Variants in RELN observed in about 807,000 individuals in gnomAD.
RELN encodes reelin.
Under a neutral mutation model 427.6 loss-of-function variants are expected in RELN, and 108 were observed. The observed-to-expected ratio is 0.25, with a 90% CI of 0.22 to 0.30. The LOEUF is 0.30. Among genes scored for constraint, RELN ranks in the 10% least tolerant of loss-of-function variants. RELN has a pLI of 1.00. For synonymous variants in RELN, 1,524 were observed against 1,513.4 expected (o/e 1.01, Z -0.16); for missense variants, 3,715 against 4,302.8 (o/e 0.86, Z 3.82).
At chr7:103,556,288 C>T (rs1240844986) in intron 38 of RELN, among the ~76,000 whole-genome samples, 3 of 151,966 alleles carry the variant, frequency 2.0e-5, no homozygotes, top group South Asian at 4.1e-4. Flanking sequence ...ATAAATGCAA[C>T]AAAAATGTCA....
At chr7:103,491,357 A>T (rs2117003973) in intron 58 of RELN, among the ~76,000 whole-genome samples, 1 of 152,318 alleles carries the variant, frequency 6.6e-6, no homozygotes, top group East Asian at 1.9e-4. Flanking sequence ...TACTCTGAGG[A>T]CAAATGTAGT....
intron 4 of RELN, among the ~76,000 whole-genome samples, chr7:103,756,161 C>T (rs976545890): frequency 6.6e-6 from 1 of 152,136 alleles, no homozygotes; most frequent in Non-Finnish European, 1.5e-5. Flanking sequence ...AAATGCTTTA[C>T]TTTAAATTGT....
intron 2 of RELN, among the ~76,000 whole-genome samples, chr7:103,911,761 A>T (rs1795371710): frequency 7.4e-6 from 1 of 134,350 alleles, no homozygotes; most frequent in Non-Finnish European, 1.6e-5. Context: ...AGAACAAAAA[A>T]CCAAACACCG....
At chr7:103,661,574 A>T in intron 11 of RELN, 47 bp from the exon 12 acceptor site, 1 of 1,542,730 alleles carries the variant, frequency 6.5e-7, no homozygotes, top group Non-Finnish European at 8.9e-7. Context: ...TATTAAGCCA[A>T]ATCTTTATAA....
intron 2 of RELN, among the ~76,000 whole-genome samples, chr7:103,870,587 T>C (rs1023107701): frequency 3.9e-5 from 6 of 152,070 alleles, no homozygotes; most frequent in Non-Finnish European, 7.4e-5. Flanking sequence ...GTCATGTCCT[T>C]ATTGCCAAAG....
chr7:103,954,485 C>A (rs1436825601), intron 1 of RELN, among the ~76,000 whole-genome samples: 1 of 151,958 alleles, frequency 6.6e-6, no homozygotes, highest in African/African-American at 2.4e-5. Flanking sequence ...TTATTTACTC[C>A]CATTTTCCTT....
At position 103,655,226 on chromosome 7, in the gene RELN, T is replaced by C. The variant is rs188829249; in HGVS notation, c.1442-1021A>G. On this transcript the variant is annotated intron_variant, in intron 12 of 64. Transcript: ENST00000428762. ...CTTAAGCCACCATTATCCTTCATAA[T>C]AGTACCAACCAAAACAGCTGGGACT... Among the ~76,000 whole-genome samples, 91 of 152,196 alleles carry C rather than the reference T, an allele frequency of 6.0e-4. 2 individuals carry two copies. Among genetic ancestry groups the C allele is most frequent in the Admixed American group, 5.2e-3 (79 of 15,258 alleles).
chr7:103,763,832 A>C (rs1464465850), intron 4 of RELN, among the ~76,000 whole-genome samples: 1 of 152,062 alleles, frequency 6.6e-6, no homozygotes, highest in Non-Finnish European at 1.5e-5. Flanking sequence ...CTGGGGGGAA[A>C]CAGAGGGCAG....
intron 1 of RELN, among the ~76,000 whole-genome samples, chr7:103,982,474 A>G (rs1202031005): frequency 6.6e-6 from 1 of 152,198 alleles, no homozygotes; most frequent in African/African-American, 2.4e-5. Context: ...AAAAAGGTGT[A>G]GAGATGGCAA....
At chr7:103,538,800 C>A (rs1050061988) in intron 45 of RELN, among the ~76,000 whole-genome samples, 1 of 152,092 alleles carries the variant, frequency 6.6e-6, no homozygotes, top group African/African-American at 2.4e-5. Context: ...CCTGGATTTA[C>A]AAATTATTAC....
Position 103,650,367 on chromosome 7 carries a change from T to C in RELN, c.1909A>G (p.Ile637Val), listed in dbSNP as rs530120957. ...GTTAGTGCTGCGTTAGGAAGGGGAA[T>C]TGTTATTCGGTTCCACCTGCAAGAA... is the stretch of plus-strand genomic sequence containing the variant. ...ENYSGWNRIT[I>V]PLPNAALTRN... The change falls in exon 16 of 65, where the codon ATT becomes GTT. Residue 637 changes from isoleucine (I) to valine (V), a missense_variant. Coordinates refer to ENST00000428762, the MANE Select transcript of RELN (RefSeq NM_005045.4). 9 of 1,611,498 alleles carry C rather than the reference T, an allele frequency of 5.6e-6. No homozygotes were observed. In the East Asian group the frequency reaches 1.8e-4, roughly 32 times the overall value.
chr7:103,682,007 A>G, intron 11 of RELN, 109 bp downstream of exon 11: 1 of 1,035,736 alleles, frequency 9.7e-7, no homozygotes, highest in Non-Finnish European at 1.5e-6. Context: ...AAGAATCATC[A>G]GTATTGATCT....
chr7:103,677,285 T>C (rs1172722600), intron 11 of RELN, among the ~76,000 whole-genome samples: 1 of 151,192 alleles, frequency 6.6e-6, no homozygotes, highest in Non-Finnish European at 1.5e-5. Flanking sequence ...AGGGGAGGGA[T>C]AACATTAGGA....
Position 103,660,273 on chromosome 7 carries a change from T to G in RELN, c.1441+1103A>C, listed in dbSNP as rs191940952. On this transcript the variant is annotated intron_variant, in intron 12 of 64. Transcript: ENST00000428762. Reference sequence around the variant, plus strand: ...GCTTAAGGTTTTCCAGGAATCCCTTTTGATAAAATGAGAGCCAGTTTGAAT... The same window carrying G: ...GCTTAAGGTTTTCCAGGAATCCCTTGTGATAAAATGAGAGCCAGTTTGAAT... 2.1e-4 allele frequency among the ~76,000 whole-genome samples: 32 copies of G among 152,276 alleles called. No homozygotes were observed. The East Asian group carries it at 6.2e-3, about 29-fold the overall frequency.
intron 34 of RELN, 43 bp from the exon 35 acceptor site, chr7:103,561,996 A>C (rs1169460406): frequency 6.3e-7 from 1 of 1,590,648 alleles, no homozygotes; most frequent in Non-Finnish European, 8.6e-7. Context: ...CTGGTTTGAC[A>C]AGCAACCTTG....
chr7:103,851,634 A>G (rs1186992495), intron 2 of RELN, among the ~76,000 whole-genome samples: 4 of 152,070 alleles, frequency 2.6e-5, no homozygotes, highest in African/African-American at 4.8e-5. Flanking sequence ...CAATTCCTCA[A>G]TTACCTTCAC....
At chr7:103,872,028 A>ATTTTTTTT (rs142665123) in intron 2 of RELN, among the ~76,000 whole-genome samples, 3,949 of 104,444 alleles carry the variant, frequency 0.038, 65 homozygotes, top group Non-Finnish European at 0.058. Context: ...ATATATATAT[A>ATTTTTTTT]TATTTTTCTT....
At chr7:103,676,230 G>T (rs762459225) in intron 11 of RELN, among the ~76,000 whole-genome samples, 12 of 152,064 alleles carry the variant, frequency 7.9e-5, no homozygotes, top group African/African-American at 1.2e-4. Context: ...GTGGGCAAAG[G>T]CTATGAACAG....
Position 103,719,278 on chromosome 7 carries a change from T to G in RELN, c.805+3862A>C, listed in dbSNP as rs190300322. Among the ~76,000 whole-genome samples, 4 of 152,132 alleles carry G rather than the reference T, an allele frequency of 2.6e-5. No homozygotes were observed. The South Asian group carries it at 8.3e-4, about 32-fold the overall frequency. On this transcript the variant is annotated intron_variant, in intron 8 of 64. Transcript: ENST00000428762. ...GCATGTTCCCCTCCAATGTCTTGCC[T>G]GTATTCACTCTGCCTCTTCACTTGA...
Sources: gnomAD v4.1 joint callset for allele counts (sites outside exome capture counted in the v4.1 genomes callset) on GRCh38, gnomAD v4.1.1 for gene constraint, MANE v1.5 for transcripts, NCBI Gene and HGNC (gene_info 2026-07-23, HGNC 2026-07-21) for gene names.